SERPINB6: variants seen among roughly 807,000 people sequenced by gnomAD.
The protein encoded by SERPINB6 is serpin B6.
SERPINB6 carries 16 observed loss-of-function variants against 26.1 expected under a neutral mutation model. That is an observed-to-expected ratio of 0.61 (90% CI 0.42 to 0.93). The LOEUF is 0.93. Among genes scored for constraint, SERPINB6 ranks in the 40% least tolerant of loss-of-function variants. SERPINB6 has a pLI of 0.00. For synonymous variants in SERPINB6, 174 were observed against 176.6 expected (o/e 0.99, Z 0.11); for missense variants, 420 against 478.0 (o/e 0.88, Z 1.13).
rs1259753680 is a variant in SERPINB6 at position 2,954,514 on chromosome 6, T to C, written c.430+78A>G. On this transcript the variant is annotated intron_variant, in intron 4 of 6. Coordinates refer to ENST00000380539, the MANE Select transcript of SERPINB6 (RefSeq NM_004568.6). ...AAAAAAAAATCATTCCTGTTTACAA[T>C]TGACAGTCTTGTGAAGGAACTGACA... is the stretch of plus-strand genomic sequence containing the variant. 64 of 1,123,232 alleles carry C rather than the reference T, an allele frequency of 5.7e-5. 4 individuals carry two copies. The South Asian group carries it at 6.6e-4, about 12-fold the overall frequency. The allele number at this position is 1,123,232 out of a possible 1,614,324, so 69.6% of individuals were successfully genotyped here.
At chr6:2,950,159 T>A (rs1313939894) in intron 5 of SERPINB6, among the ~76,000 whole-genome samples, 1 of 152,150 alleles carries the variant, frequency 6.6e-6, no homozygotes, top group Non-Finnish European at 1.5e-5. Context: ...CAAGAAAACA[T>A]AAGCTTCACC....
intron 4 of SERPINB6, among the ~76,000 whole-genome samples, chr6:2,953,445 T>C (rs1770057296): frequency 6.6e-6 from 1 of 152,186 alleles, no homozygotes; most frequent in African/African-American, 2.4e-5. Context: ...ACACATGAGA[T>C]AAGAAGCAAT....
chr6:2,955,205 A>AC (rs1770307800), intron 3 of SERPINB6: 103 of 308,656 alleles, frequency 3.3e-4, no homozygotes, highest in Non-Finnish European at 5.1e-4. Flanking sequence ...AAAAAAAACA[A>AC]AAAAAAAAAA....
chr6:2,955,209 A>AAC (rs1425556531), intron 3 of SERPINB6: 11 of 351,520 alleles, frequency 3.1e-5, no homozygotes, highest in Middle Eastern at 9.2e-4. Flanking sequence ...AAAACAAAAA[A>AAC]AAAAAAGCAA....
At chr6:2,959,762 G>C in intron 1 of SERPINB6, 1 of 236,516 alleles carries the variant, frequency 4.2e-6, no homozygotes, top group East Asian at 1.1e-4. Context: ...TACATTCACT[G>C]ACAGTTACAC....
At chr6:2,960,120 T>G (rs538777272) in intron 1 of SERPINB6, 2 of 153,520 alleles carry the variant, frequency 1.3e-5, no homozygotes, top group East Asian at 3.9e-4. Flanking sequence ...AGCCCTGCCG[T>G]GCAGTGGGTG....
chr6:2,970,865 C>A, intron 1 of SERPINB6: 1 of 1,231,312 alleles, frequency 8.1e-7, no homozygotes, highest in Non-Finnish European at 1.0e-6. Context: ...GTAAGGAGAT[C>A]CGGGCTGGTC....
intron 4 of SERPINB6, 80 bp from the exon 5 acceptor site, chr6:2,953,266 TC>T: frequency 6.3e-7 from 1 of 1,585,280 alleles, no homozygotes; most frequent in East Asian, 2.2e-5. Context: ...TGGGGCCTTC[TC>T]CTTCAGCAGT....
chr6:2,969,344 C>CAT (rs991534337), intron 1 of SERPINB6: 14 of 984,368 alleles, frequency 1.4e-5, no homozygotes, highest in Middle Eastern at 5.2e-4. Context: ...AAGTGTCCTT[C>CAT]ATATATATAT....
At chr6:2,953,001 C>A in intron 5 of SERPINB6, 43 bp downstream of exon 5, 1 of 1,613,272 alleles carries the variant, frequency 6.2e-7, no homozygotes, top group South Asian at 1.1e-5. Flanking sequence ...CGGAGACGCT[C>A]GTGTGAACAC....
chr6:2,955,708 T>C (rs1462992710), intron 2 of SERPINB6, 38 bp from the exon 3 acceptor site: 1 of 1,611,490 alleles, frequency 6.2e-7, no homozygotes, highest in Admixed American at 1.7e-5. Context: ...ATCATTCCTG[T>C]ATGCTCTGAC....
chr6:2,964,581 T>C (rs1012277206), intron 1 of SERPINB6, among the ~76,000 whole-genome samples: 1 of 152,208 alleles, frequency 6.6e-6, no homozygotes, highest in African/African-American at 2.4e-5. Flanking sequence ...ACATTTTCTA[T>C]AGCATATAAT....
chr6:2,969,005 C>A, intron 1 of SERPINB6: 1 of 1,212,556 alleles, frequency 8.2e-7, no homozygotes, highest in Non-Finnish European at 1.0e-6. Flanking sequence ...CCCCACAGTG[C>A]CTGCAGGACC....
At chr6:2,957,674 C>CA (rs1770646453) in intron 2 of SERPINB6, 1 of 152,230 alleles carries the variant, frequency 6.6e-6, no homozygotes, top group Non-Finnish European at 1.5e-5. Flanking sequence ...GGTTTTCAGG[C>CA]ACTTGTAACA....
Position 2,970,740 on chromosome 6 carries a change from A to AAG in SERPINB6, c.-11+792_-11+793insCT. 4 of 1,230,018 alleles carry AAG rather than the reference A, an allele frequency of 3.3e-6. No homozygotes were observed. The East Asian group carries it at 1.3e-4, about 39-fold the overall frequency. The allele number at this position is 1,230,018 out of a possible 1,614,324, so 76.2% of individuals were successfully genotyped here. ...TCTTTAGGACAAAAAAAAAAAAAAAAAAAAGGAAGAAAATAACTTAAATGC... is the reference window on the plus strand; with the variant it reads ...TCTTTAGGACAAAAAAAAAAAAAAAAAGAAAAGGAAGAAAATAACTTAAATGC... On this transcript the variant is annotated intron_variant, in intron 1 of 6. Coordinates refer to ENST00000380539, the MANE Select transcript of SERPINB6 (RefSeq NM_004568.6).
chr6:2,959,568 G>A, intron 1 of SERPINB6: 2 of 559,000 alleles, frequency 3.6e-6, no homozygotes, highest in East Asian at 3.3e-5. Context: ...CCTGTTTTGT[G>A]AGGACTCCTC....
intron 1 of SERPINB6, chr6:2,970,289 G>C (rs188913665): frequency 6.0e-5 from 59 of 985,788 alleles, no homozygotes; most frequent in African/African-American, 2.6e-4. Context: ...AAAATGCATT[G>C]GAATTGGCCT....
intron 3 of SERPINB6, chr6:2,955,277 C>A: frequency 1.9e-6 from 1 of 531,034 alleles, no homozygotes; most frequent in Non-Finnish European, 3.4e-6. Context: ...ACTGCTGGAT[C>A]CTTTAAGGGA....
chr6:2,961,972 T>A, intron 1 of SERPINB6: 2 of 984,458 alleles, frequency 2.0e-6, no homozygotes, highest in Non-Finnish European at 2.4e-6. Context: ...GTGATCTTCC[T>A]GCCTCAGCCT....
Sources: gnomAD v4.1 joint callset for allele counts (sites outside exome capture counted in the v4.1 genomes callset) on GRCh38, gnomAD v4.1.1 for gene constraint, MANE v1.5 for transcripts, NCBI Gene and HGNC (gene_info 2026-07-23, HGNC 2026-07-21) for gene names.